CDK14: variants seen among roughly 807,000 people sequenced by gnomAD.
CDK14 encodes the protein cyclin dependent kinase 14, also known as cyclin-dependent kinase 14.
Under a neutral mutation model 60.7 loss-of-function variants are expected in CDK14, and 34 were observed. The ratio of observed to expected loss-of-function variants is 0.56; its 90% CI spans 0.43 to 0.75. CDK14 has a LOEUF of 0.75. CDK14 is among the 30% of genes least tolerant of loss of function. The pLI is 0.00. For missense variants in CDK14, 482 were observed against 564.1 expected, an observed-to-expected ratio of 0.85 and a Z score of 1.47; for synonymous variants, 197 against 203.7, an observed-to-expected ratio of 0.97 and a Z score of 0.28.
At chr7:91,009,496 A>G (rs1002131102) in intron 10 of CDK14, among the ~76,000 whole-genome samples, 7 of 152,168 alleles carry the variant, frequency 4.6e-5, no homozygotes, top group Non-Finnish European at 1.0e-4. Context: ...CCAGCAGTGT[A>G]TGAGTTCCAG....
intron 2 of CDK14, among the ~76,000 whole-genome samples, chr7:90,682,204 T>C (rs1176662336): frequency 6.6e-6 from 1 of 152,138 alleles, no homozygotes; most frequent in Non-Finnish European, 1.5e-5. Flanking sequence ...TAAGAACGTA[T>C]CCAGTAAACA....
chr7:91,140,321 G>T (rs998582153), intron 14 of CDK14, among the ~76,000 whole-genome samples: 2 of 152,144 alleles, frequency 1.3e-5, no homozygotes, highest in South Asian at 4.1e-4. Context: ...TGCTTTTTCT[G>T]GCCTTGACAT....
intron 5 of CDK14, among the ~76,000 whole-genome samples, chr7:90,838,657 A>C (rs758382084): frequency 3.3e-5 from 5 of 152,120 alleles, no homozygotes; most frequent in Non-Finnish European, 5.9e-5. Context: ...TGTCTGTCTT[A>C]TGCAGTTGAG....
chr7:90,943,987 A>C (rs951372197), intron 8 of CDK14, among the ~76,000 whole-genome samples: 8 of 152,190 alleles, frequency 5.3e-5, no homozygotes, highest in South Asian at 2.1e-4. Context: ...CACAGGAGTG[A>C]GTGAGTTCTT....
intron 10 of CDK14, among the ~76,000 whole-genome samples, chr7:91,030,237 A>G (rs1796724113): frequency 6.6e-6 from 1 of 152,248 alleles, no homozygotes; most frequent in African/African-American, 2.4e-5. Context: ...AAATTTTTAA[A>G]TAGATTTCCT....
At chr7:91,165,483 TGAG>T (rs147091356) in intron 14 of CDK14, among the ~76,000 whole-genome samples, 5,600 of 152,092 alleles carry the variant, frequency 0.037, 322 homozygotes, top group African/African-American at 0.13. Context: ...TTTTGTGGAA[TGAG>T]GAGAGAGTTT....
At chr7:90,649,143 G>A (rs1205777041) in intron 2 of CDK14, among the ~76,000 whole-genome samples, 1 of 152,114 alleles carries the variant, frequency 6.6e-6, no homozygotes, top group African/African-American at 2.4e-5. Context: ...AGACACTGGT[G>A]GAGAACTGAA....
At chr7:90,718,779 G>C (rs1314560116) in intron 2 of CDK14, among the ~76,000 whole-genome samples, 1 of 152,128 alleles carries the variant, frequency 6.6e-6, no homozygotes, top group Non-Finnish European at 1.5e-5. Flanking sequence ...AGCAAGCAAA[G>C]AGAGGAAAGC....
chr7:91,009,121 C>G (rs1322492763), intron 10 of CDK14, among the ~76,000 whole-genome samples: 4 of 152,054 alleles, frequency 2.6e-5, no homozygotes, highest in South Asian at 2.1e-4. Flanking sequence ...AAGTTATCTA[C>G]TTTTGATTTT....
intron 10 of CDK14, among the ~76,000 whole-genome samples, chr7:91,040,891 A>C (rs1375048631): frequency 6.6e-6 from 1 of 152,384 alleles, no homozygotes; most frequent in East Asian, 1.9e-4. Flanking sequence ...ATAGTTTAGA[A>C]AGATAAGTAA....
chr7:90,804,668 T>C (rs1788757067), intron 5 of CDK14, among the ~76,000 whole-genome samples: 1 of 152,136 alleles, frequency 6.6e-6, no homozygotes, highest in Admixed American at 6.6e-5. Flanking sequence ...ATGAAAGTCA[T>C]ATGTTTTCTT....
intron 14 of CDK14, among the ~76,000 whole-genome samples, chr7:91,184,390 A>G (rs1802105458): frequency 6.6e-6 from 1 of 152,000 alleles, no homozygotes; most frequent in South Asian, 2.1e-4. Flanking sequence ...AAGGTTTTAC[A>G]ATGTGCTGGG....
chr7:91,124,516 T>C (rs79869763), intron 14 of CDK14, among the ~76,000 whole-genome samples: 8 of 152,146 alleles, frequency 5.3e-5, no homozygotes, highest in African/African-American at 9.6e-5. Context: ...CTTTTTTTTT[T>C]CTCTGATTAA....
chr7:90,860,989 G>A (rs1433513539), intron 5 of CDK14, among the ~76,000 whole-genome samples: 2 of 152,224 alleles, frequency 1.3e-5, no homozygotes, highest in South Asian at 2.1e-4. Context: ...GGCCCTGTGT[G>A]GAAACTGAGT....
At chr7:90,822,553 C>T (rs1255247735) in intron 5 of CDK14, among the ~76,000 whole-genome samples, 2 of 152,236 alleles carry the variant, frequency 1.3e-5, no homozygotes, top group Middle Eastern at 3.4e-3. Flanking sequence ...GTGCTCCCCT[C>T]CACTCCTTTT....
intron 4 of CDK14, among the ~76,000 whole-genome samples, chr7:90,778,100 G>A (rs563101587): frequency 1.3e-5 from 2 of 152,084 alleles, no homozygotes; most frequent in Non-Finnish European, 2.9e-5. Context: ...TATATGTCTG[G>A]CCTAGATTTT....
intron 6 of CDK14, among the ~76,000 whole-genome samples, chr7:90,874,080 G>C (rs1389777308): frequency 6.6e-6 from 1 of 152,076 alleles, no homozygotes; most frequent in East Asian, 1.9e-4. Flanking sequence ...GGGCCTCCCA[G>C]AGCATCTGCC....
chr7:90,747,681 C>T lies in CDK14; in HGVS notation c.370C>T (p.Pro124Ser), dbSNP rs1002397119. Reference sequence around the variant, plus strand: ...TGTTTACCCTGTGCTTCATTTTTAGCCAACAAGTCCCAAATTTGGAAAAGC... The same window carrying T: ...TGTTTACCCTGTGCTTCATTTTTAGTCAACAAGTCCCAAATTTGGAAAAGC... The part of the protein sequence containing the change: ...KVRRHSSPSS[P>S]TSPKFGKADS... Residue 124 changes from proline to serine, a missense_variant and splice_region_variant, in exon 4 of 15, where the codon CCA becomes TCA. Pro to Ser is a moderately conservative substitution (Grantham distance 74). Coordinates refer to ENST00000380050, the MANE Select transcript of CDK14 (RefSeq NM_001287135.2). 3 of 1,578,566 alleles carry T rather than the reference C, an allele frequency of 1.9e-6. No individual in the cohort carries two copies. The highest frequency in any genetic ancestry group is 2.6e-6 in the Non-Finnish European group (3 of 1,162,188).
chr7:91,174,273 A>C (rs1463751266), intron 14 of CDK14, among the ~76,000 whole-genome samples: 2 of 151,980 alleles, frequency 1.3e-5, no homozygotes, highest in Non-Finnish European at 2.9e-5. Flanking sequence ...AAACTAACAA[A>C]CAGAAAGGAC....
Sources: gnomAD v4.1 joint callset for allele counts (sites outside exome capture counted in the v4.1 genomes callset) on GRCh38, gnomAD v4.1.1 for gene constraint, MANE v1.5 for transcripts, NCBI Gene and HGNC (gene_info 2026-07-23, HGNC 2026-07-21) for gene names.